The following CREB5 variants were observed in gnomAD, a reference collection of about 807,000 sequenced individuals.
The protein encoded by CREB5 is cAMP responsive element binding protein 5.
Under a neutral mutation model 57.1 loss-of-function variants are expected in CREB5, and 19 were observed. The ratio of observed to expected loss-of-function variants is 0.33; its 90% CI spans 0.23 to 0.49. CREB5 has a LOEUF of 0.49. Among genes scored for constraint, CREB5 ranks in the 20% least tolerant of loss-of-function variants. The probability of loss-of-function intolerance (pLI) is 0.99; values close to 1 mark genes in which losing one functional copy is unlikely to be tolerated. For missense variants in CREB5, 579 were observed against 671.6 expected, an observed-to-expected ratio of 0.86 and a Z score of 1.52; for synonymous variants, 238 against 238.3, an observed-to-expected ratio of 1.00 and a Z score of 0.01.
intron 1 of CREB5, among the ~76,000 whole-genome samples, chr7:28,487,749 G>C (rs1791628903): frequency 6.6e-6 from 1 of 152,152 alleles, no homozygotes; most frequent in Admixed American, 6.5e-5. Context: ...CAGTTACCCA[G>C]TGATTGCCAT....
chr7:28,643,752 G>GGT (rs750363040), intron 5 of CREB5, among the ~76,000 whole-genome samples: 99 of 18,296 alleles, frequency 5.4e-3, no homozygotes, highest in African/African-American at 0.017. Flanking sequence ...TTTGGGAGGT[G>GGT]GGGGGGGGCG....
intron 1 of CREB5, among the ~76,000 whole-genome samples, chr7:28,336,644 T>G (rs1477961017): frequency 2.0e-5 from 3 of 152,022 alleles, no homozygotes; most frequent in Admixed American, 1.3e-4. Context: ...AAAACCAACT[T>G]TTCATTTCAT....
rs572116383 is a variant in CREB5 at position 28,622,531 on chromosome 7, C to G, written c.464+51994C>G. Among the ~76,000 whole-genome samples the G allele has an allele frequency of 9.2e-4, 140 of 152,300 alleles. 1 individual carries two copies. Among genetic ancestry groups the G allele is most frequent in the African/African-American group, 3.2e-3 (134 of 41,574 alleles). On this transcript the variant is annotated intron_variant, in intron 5 of 10. Transcript: ENST00000357727. ...AGGGCTGAGAAGAACAGAATATTAG[C>G]TGACATTTCTTAAAATTGTGTTCTG...
chr7:28,560,895 T>TGTGC lies in CREB5; in HGVS notation c.292-9469_292-9468insTGCG, dbSNP rs1273103113. Among the ~76,000 whole-genome samples the TGTGC allele has an allele frequency of 8.6e-4, 23 of 26,670 alleles. 3 individuals are homozygous for TGTGC. The highest frequency in any genetic ancestry group is 1.4e-3 in the Non-Finnish European group (19 of 13,914). 17.5% of individuals were successfully genotyped at this position (26,670 alleles called of 152,430 possible). A position where few individuals can be genotyped will look rare whatever the true frequency, so the allele number is the denominator to read the frequency against. ...GTGCGCGTGCGTGCGTGCGTGTGTG[T>TGTGC]GCGTGCGCGCGTGCGTGTGCGTGTG... is the stretch of plus-strand genomic sequence containing the variant. On this transcript the variant is annotated intron_variant, in intron 4 of 10. Coordinates refer to ENST00000357727, the MANE Select transcript of CREB5 (RefSeq NM_182898.4).
At chr7:28,560,618 A>C (rs1221617548) in intron 4 of CREB5, among the ~76,000 whole-genome samples, 2 of 152,222 alleles carry the variant, frequency 1.3e-5, no homozygotes, top group African/African-American at 4.8e-5. Flanking sequence ...TGGGATGGTC[A>C]AGAAGAGGCA....
At chr7:28,390,766 G>A (rs1262731716) in intron 1 of CREB5, among the ~76,000 whole-genome samples, 5 of 152,102 alleles carry the variant, frequency 3.3e-5, no homozygotes, top group Admixed American at 3.3e-4. Context: ...CAGGAGCCCT[G>A]TAAGCCCTCT....
At chr7:28,702,702 C>G (rs1239866218) in intron 5 of CREB5, among the ~76,000 whole-genome samples, 1 of 152,164 alleles carries the variant, frequency 6.6e-6, no homozygotes, top group Non-Finnish European at 1.5e-5. Context: ...AACAAAATAA[C>G]CATACCTATT....
intron 1 of CREB5, among the ~76,000 whole-genome samples, chr7:28,332,867 T>C (rs1562661156): frequency 6.6e-6 from 1 of 152,236 alleles, no homozygotes; most frequent in East Asian, 1.9e-4. Context: ...ACCAATCTCC[T>C]ATTGATGGAT....
chr7:28,710,009 AGACAGATGAG>A (rs1802324756), intron 5 of CREB5, among the ~76,000 whole-genome samples: 1 of 151,690 alleles, frequency 6.6e-6, no homozygotes, highest in Middle Eastern at 3.2e-3. Flanking sequence ...TGTAGATTGG[AGACAGATGAG>A]TGTTCCTGAA....
chr7:28,812,510 T>A (rs144632440), intron 9 of CREB5, among the ~76,000 whole-genome samples: 1 of 152,168 alleles, frequency 6.6e-6, no homozygotes, highest in Non-Finnish European at 1.5e-5. Flanking sequence ...GAACTCTAGC[T>A]CCCAAAACCA....
intron 5 of CREB5, among the ~76,000 whole-genome samples, chr7:28,688,823 A>G (rs41351): frequency 0.87 from 131,747 of 152,190 alleles, 57,248 homozygotes; most frequent in East Asian, 0.94. Flanking sequence ...TGCCAAGTGT[A>G]TGCTTGGGAC....
In CREB5 at chr7:28,425,765, T is replaced by C. The variant is rs1788484775; in HGVS notation, c.3+12848T>C. 2.6e-5 allele frequency among the ~76,000 whole-genome samples: 4 copies of C among 152,188 alleles called. No homozygotes were observed. The South Asian group carries it at 8.3e-4, about 32-fold the overall frequency. On this transcript the variant is annotated intron_variant, in intron 1 of 10. Coordinates refer to ENST00000357727, the MANE Select transcript of CREB5 (RefSeq NM_182898.4). ...CATTTCAGACCTCAGTCTTACAGCA[T>C]TTATCATATGTATCTCCAGCTTGCA...
At chr7:28,353,100 T>G (rs1411713480) in intron 1 of CREB5, among the ~76,000 whole-genome samples, 1 of 152,196 alleles carries the variant, frequency 6.6e-6, no homozygotes, top group African/African-American at 2.4e-5. Flanking sequence ...TTTTGTTTTG[T>G]TTTTGTTTTT....
chr7:28,521,593 T>G (rs965971720), intron 4 of CREB5, among the ~76,000 whole-genome samples: 1 of 152,246 alleles, frequency 6.6e-6, no homozygotes, highest in Non-Finnish European at 1.5e-5. Flanking sequence ...TTATTGTTTA[T>G]TTATAACCCT....
intron 5 of CREB5, among the ~76,000 whole-genome samples, chr7:28,582,074 A>G (rs1476754382): frequency 6.6e-6 from 1 of 152,180 alleles, no homozygotes; most frequent in East Asian, 1.9e-4. Context: ...GGTCCTGGAT[A>G]TTTATATAGA....
At chr7:28,448,193 C>T (rs1043091730) in intron 1 of CREB5, among the ~76,000 whole-genome samples, 1 of 152,194 alleles carries the variant, frequency 6.6e-6, no homozygotes, top group African/African-American at 2.4e-5. Context: ...TTTCTGCCCT[C>T]GAACATCAGA....
rs537579327 is a variant in CREB5 at position 28,553,583 on chromosome 7, A to G, written c.292-16782A>G. On this transcript the variant is annotated intron_variant, in intron 4 of 10. Coordinates refer to ENST00000357727, the MANE Select transcript of CREB5 (RefSeq NM_182898.4). ...AATCTGTATATGAAACCATAGAGGC[A>G]GTCCTGTTTTCCTGTCCCTGCAGCC... Among the ~76,000 whole-genome samples the G allele has an allele frequency of 2.3e-4, 35 of 152,318 alleles. 1 individual carries two copies. The Middle Eastern group carries it at 0.014, about 59-fold the overall frequency.
intron 5 of CREB5, among the ~76,000 whole-genome samples, chr7:28,699,207 C>T (rs958354167): frequency 6.7e-6 from 1 of 148,944 alleles, no homozygotes; most frequent in Admixed American, 6.7e-5. Context: ...AAAGAAAGGG[C>T]GTATTCAGTG....
At chr7:28,446,884 T>G (rs1333343675) in intron 1 of CREB5, among the ~76,000 whole-genome samples, 2 of 152,226 alleles carry the variant, frequency 1.3e-5, no homozygotes, top group African/African-American at 4.8e-5. Flanking sequence ...ATTGAGAGCC[T>G]ACCATATGCT....
Sources: gnomAD v4.1 joint callset for allele counts (sites outside exome capture counted in the v4.1 genomes callset) on GRCh38, gnomAD v4.1.1 for gene constraint, MANE v1.5 for transcripts, NCBI Gene and HGNC (gene_info 2026-07-23, HGNC 2026-07-21) for gene names.